The following NKD2 variants were observed in gnomAD, a reference collection of about 807,000 sequenced individuals.
NKD2 encodes the protein protein naked cuticle homolog 2.
In NKD2, 43 loss-of-function variants were observed where a neutral mutation model predicts 34.8. The ratio of observed to expected loss-of-function variants is 1.24; its 90% CI spans 0.97 to 1.60. The LOEUF (loss-of-function observed/expected upper bound fraction) is 1.60, where lower values mean the gene tolerates loss of function less well. Among genes scored for constraint, NKD2 ranks in the 40% most tolerant of loss-of-function variants. The pLI is 0.00. For synonymous variants in NKD2, 278 were observed against 265.1 expected (o/e 1.05, Z -0.47); for missense variants, 675 against 627.1 (o/e 1.08, Z -0.82).
At chr5:1,037,779 C>T in intron 9 of NKD2, 26 bp from the exon 10 acceptor site, 1 of 1,563,176 alleles carries the variant, frequency 6.4e-7, no homozygotes, top group Non-Finnish European at 8.6e-7. Flanking sequence ...ACTCCCAGGG[C>T]CTCACACTCT....
chr5:1,033,636 T>A, intron 5 of NKD2, 137 bp downstream of exon 5: 1 of 1,098,742 alleles, frequency 9.1e-7, no homozygotes, highest in Non-Finnish European at 1.3e-6. Flanking sequence ...TCACCCCGTT[T>A]AAGGCATTGA....
intron 8 of NKD2, 53 bp from the exon 9 acceptor site, chr5:1,036,204 G>T (rs1043561096): frequency 3.1e-5 from 46 of 1,473,316 alleles, no homozygotes; most frequent in Admixed American, 2.4e-4. Context: ...CGTCATCAGG[G>T]GTGCGCCACC....
chr5:1,009,145 C>A lies in NKD2; in HGVS notation c.26-34C>A, dbSNP rs1479492401. 3.7e-6 allele frequency: 2 copies of A among 546,534 alleles called. No individual in the cohort carries two copies. Among genetic ancestry groups the A allele is most frequent in the South Asian group, 2.3e-5 (1 of 44,274 alleles). The allele number at this position is 546,534 out of a possible 1,614,324, so 33.9% of individuals were successfully genotyped here. Reference sequence around the variant, plus strand: ...CGGGCGTGGGGCCGCCTCTCACTGTCGTTTTCCTCTCCCCGCGTCCCGCCG... The same window carrying A: ...CGGGCGTGGGGCCGCCTCTCACTGTAGTTTTCCTCTCCCCGCGTCCCGCCG... On this transcript the variant is annotated intron_variant, in intron 1 of 9. Transcript: ENST00000296849. The surrounding 1 kb of genome is among the most constrained non-coding windows in gnomAD (Gnocchi z 6.9).
At chr5:1,014,529 T>C (rs1454389083) in intron 3 of NKD2, among the ~76,000 whole-genome samples, 1 of 152,146 alleles carries the variant, frequency 6.6e-6, no homozygotes, top group Non-Finnish European at 1.5e-5. Flanking sequence ...GATGGTGAGA[T>C]TGGAAATGCA....
intron 3 of NKD2, among the ~76,000 whole-genome samples, chr5:1,016,809 G>C (rs1055609893): frequency 3.3e-5 from 5 of 152,188 alleles, no homozygotes; most frequent in African/African-American, 1.2e-4. Context: ...GGATAACAGA[G>C]CCTACCCCAT....
intron 8 of NKD2, chr5:1,035,995 C>A: frequency 1.6e-6 from 1 of 625,528 alleles, no homozygotes; most frequent in Non-Finnish European, 2.4e-6. Context: ...GCCACTACAG[C>A]ATGAGCCACT....
chr5:1,025,867 T>TA (rs762663784), intron 3 of NKD2, among the ~76,000 whole-genome samples: 4 of 96,058 alleles, frequency 4.2e-5, no homozygotes, highest in Non-Finnish European at 4.2e-5. Flanking sequence ...TCCCACCCGC[T>TA]GTGGGCGTCC....
chr5:1,038,113 C>T lies in NKD2; in HGVS notation c.1096C>T (p.Pro366Ser). 5 of 1,599,484 alleles carry T rather than the reference C, an allele frequency of 3.1e-6. No individual in the cohort carries two copies. The highest frequency in any genetic ancestry group is 1.1e-5 in the South Asian group (1 of 89,862). ...GCCGGCCGTCCTGCCGCCCCAGGCC[C>T]CTCAGGACGGCCACCACCTCCCGCA... is the stretch of plus-strand genomic sequence containing the variant. ...YLPAVLPPQAPQDGHHLPQPP... is the reference protein window; with the variant it reads ...YLPAVLPPQASQDGHHLPQPP... Residue 366 changes from proline (P) to serine (S), a missense_variant, in exon 10 of 10, where the codon CCT becomes TCT. Coordinates refer to ENST00000296849, the MANE Select transcript of NKD2 (RefSeq NM_033120.4). This position sits in a 1 kb window ranked among gnomAD's most constrained non-coding sequence, Gnocchi z 4.5.
intron 9 of NKD2, among the ~76,000 whole-genome samples, chr5:1,037,253 C>T (rs1415673252): frequency 2.6e-5 from 4 of 152,140 alleles, no homozygotes; most frequent in Non-Finnish European, 5.9e-5. Context: ...AAGTCTCTCT[C>T]ATAACCCCGG....
intron 8 of NKD2, chr5:1,035,985 G>A (rs1018259746): frequency 3.7e-6 from 2 of 534,902 alleles, no homozygotes; most frequent in Non-Finnish European, 5.8e-6. Flanking sequence ...GTGATCAGGT[G>A]CCACTACAGC....
At chr5:1,032,403 A>G (rs1408914230) in intron 4 of NKD2, among the ~76,000 whole-genome samples, 191 bp downstream of exon 4, 2 of 152,246 alleles carry the variant, frequency 1.3e-5, no homozygotes, top group African/African-American at 4.8e-5. Context: ...GGCAGCTGCG[A>G]TCTGGCAGCA....
In NKD2 at chr5:1,009,169, C is replaced by T. The variant is rs1423083131; in HGVS notation, c.26-10C>T. On this transcript the variant is annotated splice_polypyrimidine_tract_variant and intron_variant, in intron 1 of 9. Coordinates refer to ENST00000296849, the MANE Select transcript of NKD2 (RefSeq NM_033120.4). The surrounding 1 kb of genome is among the most constrained non-coding windows in gnomAD (Gnocchi z 6.9). ...TCGTTTTCCTCTCCCCGCGTCCCGC[C>T]GTGCCGCAGCCGCCGCCGCCCGCAA... The T allele has an allele frequency of 2.0e-5, 11 of 557,334 alleles. 1 individual carries two copies. The East Asian group carries it at 3.2e-4, about 16-fold the overall frequency. The allele number at this position is 557,334 out of a possible 1,614,324, so 34.5% of individuals were successfully genotyped here.
At chr5:1,032,830 A>C (rs1240293952) in intron 4 of NKD2, among the ~76,000 whole-genome samples, 1 of 152,098 alleles carries the variant, frequency 6.6e-6, no homozygotes. Flanking sequence ...ACAGTCCCAC[A>C]CTCCTATCCT....
chr5:1,034,952 G>A, intron 7 of NKD2, 49 bp downstream of exon 7: 2 of 1,536,928 alleles, frequency 1.3e-6, no homozygotes, highest in South Asian at 1.2e-5. Context: ...ACATTGGCAG[G>A]GGCCTAAGCT....
At chr5:1,027,091 TG>T (rs1217529794) in intron 3 of NKD2, among the ~76,000 whole-genome samples, 1 of 152,238 alleles carries the variant, frequency 6.6e-6, no homozygotes, top group Non-Finnish European at 1.5e-5. Context: ...TTCCAGCTCC[TG>T]GGGGCCCCCT....
At chr5:1,035,678 A>G (rs1339009201) in intron 8 of NKD2, 3 of 573,096 alleles carry the variant, frequency 5.2e-6, no homozygotes, top group Non-Finnish European at 9.3e-6. Context: ...AGTCTGTCTG[A>G]GCAGAGGGCT....
chr5:1,028,288 G>A (rs1413496617), intron 3 of NKD2, among the ~76,000 whole-genome samples: 2 of 152,154 alleles, frequency 1.3e-5, no homozygotes, highest in South Asian at 2.1e-4. Context: ...CCGTAGGGCC[G>A]TGGGACCTGA....
At chr5:1,036,422 C>T (rs1418661990) in intron 9 of NKD2, 38 bp downstream of exon 9, 8 of 1,579,808 alleles carry the variant, frequency 5.1e-6, no homozygotes, top group Non-Finnish European at 6.9e-6. Flanking sequence ...GAGGCCCTGG[C>T]TGTGGGTGCC....
At position 1,038,163 on chromosome 5, in the gene NKD2, C is replaced by G; in HGVS notation, c.1146C>G (p.His382Gln). Residue 382 changes from histidine (H) to glutamine (Q), a missense_variant, in exon 10 of 10, where the codon CAC becomes CAG. Coordinates refer to ENST00000296849, the MANE Select transcript of NKD2 (RefSeq NM_033120.4). This position sits in a 1 kb window ranked among gnomAD's most constrained non-coding sequence, Gnocchi z 4.5. Reference sequence around the variant, plus strand: ...AGCCCCCACCGCCACCCTACGGCCACAAGCGGTACCGCCAAAAGGGCAGGG... The same window carrying G: ...AGCCCCCACCGCCACCCTACGGCCAGAAGCGGTACCGCCAAAAGGGCAGGG... ...LPQPPPPPYGHKRYRQKGREG... is the reference protein window; with the variant it reads ...LPQPPPPPYGQKRYRQKGREG... 2 of 1,585,962 alleles carry G rather than the reference C, an allele frequency of 1.3e-6. No homozygotes were observed. Among genetic ancestry groups the G allele is most frequent in the Non-Finnish European group, 1.7e-6 (2 of 1,168,202 alleles).
Sources: gnomAD v4.1 joint callset for allele counts (sites outside exome capture counted in the v4.1 genomes callset) on GRCh38, gnomAD v4.1.1 for gene constraint, Gnocchi (gnomAD v3.1) non-coding constraint, MANE v1.5 for transcripts, NCBI Gene and HGNC (gene_info 2026-07-23, HGNC 2026-07-21) for gene names.